Variants in IL1RAPL1 observed in about 807,000 individuals in gnomAD.
The protein encoded by IL1RAPL1 is interleukin-1 receptor accessory protein-like 1.
Under a neutral mutation model 48.4 loss-of-function variants are expected in IL1RAPL1, and 3 were observed. That is an observed-to-expected ratio of 0.06 (90% CI 0.03 to 0.16). The LOEUF (loss-of-function observed/expected upper bound fraction) is 0.16. IL1RAPL1 is among the 10% of genes least tolerant of loss of function. The pLI, the probability that IL1RAPL1 is intolerant of heterozygous loss-of-function variation, is 1.00. For synonymous variants in IL1RAPL1, 185 were observed against 187.7 expected (o/e 0.99, Z 0.12); for missense variants, 349 against 530.6 (o/e 0.66, Z 3.36).
intron 2 of IL1RAPL1, among the ~76,000 whole-genome samples, chrX:29,247,590 C>T (rs1181039513): frequency 9.0e-6 from 1 of 110,934 alleles, no homozygotes; most frequent in Non-Finnish European, 1.9e-5. Flanking sequence ...TCAAGACCAG[C>T]CTGGCCAACA....
At chrX:28,872,463 T>C (rs959011320) in intron 2 of IL1RAPL1, among the ~76,000 whole-genome samples, 4 of 112,536 alleles carry the variant, frequency 3.6e-5, no homozygotes, top group Non-Finnish European at 7.5e-5. Flanking sequence ...AGTTGGCACA[T>C]AATACATATT....
At chrX:29,884,666 C>T (rs986227093) in intron 6 of IL1RAPL1, among the ~76,000 whole-genome samples, 31 of 111,173 alleles carry the variant, frequency 2.8e-4, no homozygotes, top group South Asian at 1.5e-3. Flanking sequence ...ACTGTCTATC[C>T]GTCTCTGCTG....
intron 2 of IL1RAPL1, among the ~76,000 whole-genome samples, chrX:28,949,839 G>T (rs1354208488): frequency 9.1e-6 from 1 of 109,715 alleles, no homozygotes; most frequent in Non-Finnish European, 1.9e-5. Context: ...CTGGATATTA[G>T]CCCTTTGTCA....
intron 1 of IL1RAPL1, among the ~76,000 whole-genome samples, chrX:28,635,163 G>A (rs1934449290): frequency 8.9e-6 from 1 of 112,051 alleles, no homozygotes. Context: ...ATTAGACCTT[G>A]GGAAACTGGC....
At chrX:28,857,443 C>T (rs1250983657) in intron 2 of IL1RAPL1, among the ~76,000 whole-genome samples, 1 of 111,613 alleles carries the variant, frequency 9.0e-6, no homozygotes, top group African/African-American at 3.3e-5. Flanking sequence ...TGCCTGGCTT[C>T]AAAGCTTCAA....
At chrX:29,815,162 G>T (rs1930466375) in intron 6 of IL1RAPL1, among the ~76,000 whole-genome samples, 1 of 111,264 alleles carries the variant, frequency 9.0e-6, no homozygotes, top group Non-Finnish European at 1.9e-5. Context: ...TCTATAAATT[G>T]CTTTGGGCAG....
intron 6 of IL1RAPL1, among the ~76,000 whole-genome samples, chrX:29,916,757 T>G (rs1349141941): frequency 8.9e-6 from 1 of 112,173 alleles, no homozygotes; most frequent in Non-Finnish European, 1.9e-5. Flanking sequence ...TCAATTTACC[T>G]TATTAAATAA....
In IL1RAPL1 at chrX:29,308,127, A is replaced by G. The variant is rs144956262; in HGVS notation, c.362+24910A>G. 3.7e-3 allele frequency among the ~76,000 whole-genome samples: 411 copies of G among 112,090 alleles called. 3 individuals carry two copies. Among genetic ancestry groups the G allele is most frequent in the African/African-American group, 0.013 (392 of 30,884 alleles). On this transcript the variant is annotated intron_variant, in intron 3 of 10. Coordinates refer to ENST00000378993, the MANE Select transcript of IL1RAPL1 (RefSeq NM_014271.4). Reference sequence around the variant, plus strand: ...TTTGATTCACGAACTGAAAAGTCCAAGGATAGCCTGGCTTTTTAGGCATGT... The same window carrying G: ...TTTGATTCACGAACTGAAAAGTCCAGGGATAGCCTGGCTTTTTAGGCATGT...
chrX:29,719,650 G>A (rs749911784), intron 6 of IL1RAPL1, among the ~76,000 whole-genome samples: 6 of 105,998 alleles, frequency 5.7e-5, no homozygotes, highest in Middle Eastern at 5.0e-3. Context: ...AGTTGGGGGA[G>A]GAAAATGAAA....
intron 2 of IL1RAPL1, among the ~76,000 whole-genome samples, chrX:29,072,346 C>T (rs1927583336): frequency 8.9e-6 from 1 of 111,738 alleles, no homozygotes; most frequent in Admixed American, 9.6e-5. Flanking sequence ...GCACTTCACT[C>T]ATAAATGAAG....
At position 29,496,740 on chromosome X, in the gene IL1RAPL1, T is replaced by A. The variant is rs191168034; in HGVS notation, c.703+97432T>A. ...TATTATTTTAGTGCAGATGTCTCCATTTTTTTCCTTTGTTCATGAAACTTT... is the reference window on the plus strand; with the variant it reads ...TATTATTTTAGTGCAGATGTCTCCAATTTTTTCCTTTGTTCATGAAACTTT... On this transcript the variant is annotated intron_variant, in intron 5 of 10. Transcript: ENST00000378993. Among the ~76,000 whole-genome samples, 5 of 111,742 alleles carry A rather than the reference T, an allele frequency of 4.5e-5. No homozygotes were observed. The East Asian group carries it at 1.4e-3, about 31-fold the overall frequency.
At chrX:28,623,978 T>A (rs781603273) in intron 1 of IL1RAPL1, among the ~76,000 whole-genome samples, 3 of 112,040 alleles carry the variant, frequency 2.7e-5, no homozygotes, top group South Asian at 3.8e-4. Context: ...GTCACAGGCT[T>A]AAGCTGTTTC....
chrX:29,693,003 G>C (rs905043284), intron 6 of IL1RAPL1, among the ~76,000 whole-genome samples: 1 of 111,901 alleles, frequency 8.9e-6, no homozygotes, highest in Non-Finnish European at 1.9e-5. Flanking sequence ...AGCGGGAAAA[G>C]GTTTCACATT....
chrX:28,971,876 TTGTGTGTGTGTGTG>T (rs3066657), intron 2 of IL1RAPL1, among the ~76,000 whole-genome samples: 4 of 84,478 alleles, frequency 4.7e-5, no homozygotes, highest in East Asian at 4.1e-4. Flanking sequence ...ACTCTGAAAA[TTGTGTGTGTGTGTG>T]TGTGTGTGTG....
At chrX:29,364,562 C>CAAAAAAAA (rs766680904) in intron 3 of IL1RAPL1, among the ~76,000 whole-genome samples, 1 of 43,573 alleles carries the variant, frequency 2.3e-5, no homozygotes, top group Non-Finnish European at 4.1e-5. Context: ...GACTCTATCT[C>CAAAAAAAA]AAAAAAAAAA....
At chrX:29,938,705 C>T (rs967962189) in intron 8 of IL1RAPL1, among the ~76,000 whole-genome samples, 3 of 112,096 alleles carry the variant, frequency 2.7e-5, no homozygotes, top group African/African-American at 9.7e-5. Flanking sequence ...TTTCCTTTAC[C>T]CCAGAAAGTT....
intron 5 of IL1RAPL1, among the ~76,000 whole-genome samples, chrX:29,435,512 T>C (rs1934472373): frequency 9.0e-6 from 1 of 111,219 alleles, no homozygotes; most frequent in East Asian, 2.8e-4. Context: ...TTATTATTGT[T>C]GTAGCCATCC....
chrX:29,162,122 C>T (rs1929697230), intron 2 of IL1RAPL1, among the ~76,000 whole-genome samples: 1 of 111,355 alleles, frequency 9.0e-6, no homozygotes, highest in East Asian at 2.8e-4. Context: ...AAACCAAACA[C>T]CACATGTTCT....
At chrX:29,633,080 T>C (rs1193682068) in intron 5 of IL1RAPL1, among the ~76,000 whole-genome samples, 1 of 111,237 alleles carries the variant, frequency 9.0e-6, no homozygotes, top group Non-Finnish European at 1.9e-5. Flanking sequence ...GCACTATTGG[T>C]AATAGGCCAA....
Sources: allele counts gnomAD v4.1 joint callset (sites outside exome capture counted in the v4.1 genomes callset), GRCh38; gene constraint gnomAD v4.1.1; transcripts MANE v1.5; gene names NCBI Gene and HGNC (gene_info 2026-07-23, HGNC 2026-07-21).